The following NEB variants were observed in gnomAD, a reference collection of about 807,000 sequenced individuals.
NEB encodes the protein nebulin.
In NEB, 512 loss-of-function variants were observed where a neutral mutation model predicts 952.2. That is an observed-to-expected ratio of 0.54 (90% CI 0.50 to 0.58). The LOEUF is 0.58. NEB is among the 20% of genes least tolerant of loss of function. NEB has a pLI of 0.00. For synonymous variants in NEB, 2,900 were observed against 3,149.8 expected, an observed-to-expected ratio of 0.92 and a Z score of 2.66; for missense variants, 8,428 against 9,231.1, an observed-to-expected ratio of 0.91 and a Z score of 3.56.
chr2:151,655,421 G>C (rs767679171), intron 50 of NEB, 47 bp from the exon 51 acceptor site: 70 of 1,113,704 alleles, frequency 6.3e-5, no homozygotes, highest in Non-Finnish European at 6.5e-6. Context: ...ACTGGGACAA[G>C]CAGGAAAGAA....
Position 151,654,026 on chromosome 2 carries a change from T to G in NEB, c.6881A>C (p.Gln2294Pro). The G allele has an allele frequency of 6.2e-7, 1 of 1,612,784 alleles. No individual in the cohort carries two copies. Among genetic ancestry groups the G allele is most frequent in the Non-Finnish European group, 8.5e-7 (1 of 1,179,128 alleles). Reference protein sequence around the residue: ...YDLPVDAISVQLAKASRDIAS... With the variant: ...YDLPVDAISVPLAKASRDIAS... Reference sequence around the variant, plus strand: ...AATGTCTCTTGAAGCTTTAGCTAGCTGTACAGAAATTGCATCAACTGGGAG... The same window carrying G: ...AATGTCTCTTGAAGCTTTAGCTAGCGGTACAGAAATTGCATCAACTGGGAG... The change falls in exon 52 of 182, where the codon CAG (glutamine) becomes CCG (proline). Residue 2294 changes from glutamine (Q) to proline (P), a missense_variant. By Grantham distance (76) the Gln-to-Pro change is moderately conservative. Around this residue, in one of 11 missense-constraint regions of NEB, gnomAD observed 2,851 missense variants for 2,791.5 expected, o/e 1.02. Transcript: ENST00000397345.
Position 151,525,896 on chromosome 2 carries a change from T to A in NEB, c.22161+62A>T, listed in dbSNP as rs1033832526. 32 of 1,289,968 alleles carry A rather than the reference T, an allele frequency of 2.5e-5. 1 individual carries two copies. The Admixed American group carries it at 5.4e-4, about 22-fold the overall frequency. 79.9% of individuals were successfully genotyped at this position (1,289,968 alleles called of 1,614,324 possible). A position where few individuals can be genotyped will look rare whatever the true frequency, so the allele number is the denominator to read the frequency against. On this transcript the variant is annotated intron_variant, in intron 150 of 181. Coordinates refer to ENST00000397345, the MANE Select transcript of NEB (RefSeq NM_001164508.2). ...GAAGCAAAAGGCAACTGACATTATT[T>A]CACCAGATTCTACAGTCAAGTGGCA...
intron 10 of NEB, among the ~76,000 whole-genome samples, chr2:151,711,812 A>G (rs1334078888): frequency 6.6e-6 from 1 of 152,182 alleles, no homozygotes; most frequent in Non-Finnish European, 1.5e-5. Context: ...AATAATAGTT[A>G]TTACTATTGT....
Position 151,540,715 on chromosome 2 carries a change from C to G in NEB, c.20769G>C (p.Val6923=), listed in dbSNP as rs938023399. ...ATCTTACCTCACTGACCATGTCCTT[C>G]ACGTCTTTAGCATGCTTCAAGGCTG... is the stretch of plus-strand genomic sequence containing the variant. The part of the protein sequence containing the change: ...QTTALKHAKD[V]KDMVSEKKYK... The change falls in exon 137 of 182, where the codon GTG becomes GTC. Residue 6923 remains valine, a synonymous_variant. Transcript: ENST00000397345. The G allele has an allele frequency of 1.2e-6, 2 of 1,613,652 alleles. No individual in the cohort carries two copies. Among genetic ancestry groups the G allele is most frequent in the Admixed American group, 3.3e-5 (2 of 60,010 alleles).
rs1438185722 is a variant in NEB, at chr2:151,733,180, T to C, written c.-24A>G. The stretch of plus-strand genomic sequence containing the variant: ...ATTTTTCCAGAGTAGTAGTGGCACC[T>C]ACAAACTTTTCATATTCCATACAAA... On this transcript the variant is annotated 5_prime_UTR_variant, in exon 3 of 182. Transcript: ENST00000397345. 2 of 1,596,788 alleles carry C rather than the reference T, an allele frequency of 1.3e-6. No homozygotes were observed. Among genetic ancestry groups the C allele is most frequent in the Non-Finnish European group, 1.7e-6 (2 of 1,171,208 alleles).
At position 151,525,955 on chromosome 2, in the gene NEB, T is replaced by TA; in HGVS notation, c.22161+2dup. On this transcript the variant is annotated splice_region_variant and intron_variant, in intron 150 of 181. Coordinates refer to ENST00000397345, the MANE Select transcript of NEB (RefSeq NM_001164508.2). ...GCCAAGAGACCGGTGGTTGATCACT[T>TA]ACATCACTGACATGCTTGGTCACTT... 6.2e-7 allele frequency: 1 copy of TA among 1,611,746 alleles called. No homozygotes were observed. The highest frequency in any genetic ancestry group is 2.2e-5 in the East Asian group (1 of 44,876).
chr2:151,646,706 A>C (rs926247865), intron 54 of NEB, among the ~76,000 whole-genome samples: 4 of 152,104 alleles, frequency 2.6e-5, no homozygotes, highest in Non-Finnish European at 1.5e-5. Context: ...CTGGAGTGCA[A>C]TGGCGCAATC....
chr2:151,680,869 C>T, intron 29 of NEB, 41 bp from the exon 30 acceptor site: 1 of 1,437,752 alleles, frequency 7.0e-7, no homozygotes, highest in Non-Finnish European at 9.8e-7. Flanking sequence ...TCTTGTTTTC[C>T]ACTGAAGATT....
intron 4 of NEB, among the ~76,000 whole-genome samples, chr2:151,729,404 T>A (rs1407014556): frequency 3.9e-5 from 6 of 152,250 alleles, no homozygotes; most frequent in Admixed American, 6.5e-5. Context: ...CCCTGCCATC[T>A]TGCGTTTTTT....
At chr2:151,705,970 T>G (rs1286911459) in intron 13 of NEB, among the ~76,000 whole-genome samples, 2 of 152,206 alleles carry the variant, frequency 1.3e-5, no homozygotes, top group South Asian at 2.1e-4. Context: ...TTGATCATAG[T>G]GTACACTGTA....
At position 151,672,648 on chromosome 2, in the gene NEB, C is replaced by T. The variant is rs776811136; in HGVS notation, c.4020G>A (p.Lys1340=). ...GGCTTCTGAAACCCACATGCTTTCC[C>T]TTTGACTTCTCATAAGCTTCCTTGT... ...YKYKEAYEKS[K]GKHVGFRSLQ... Residue 1340 remains lysine (K), a synonymous_variant, in exon 37 of 182, where the codon AAG becomes AAA. Coordinates refer to ENST00000397345, the MANE Select transcript of NEB (RefSeq NM_001164508.2). The T allele has an allele frequency of 9.3e-6, 15 of 1,613,654 alleles. No homozygotes were observed. In the Admixed American group the frequency reaches 2.3e-4, roughly 25 times the overall value.
chr2:151,507,661 G>T, intron 162 of NEB: 2 of 236,824 alleles, frequency 8.4e-6, no homozygotes, highest in South Asian at 9.1e-5. Context: ...GTTTCTTTGG[G>T]TAGTCATTTC....
chr2:151,657,644 C>T lies in NEB; in HGVS notation c.6183+339G>A, dbSNP rs570385120. On this transcript the variant is annotated intron_variant, in intron 48 of 181. Coordinates refer to ENST00000397345, the MANE Select transcript of NEB (RefSeq NM_001164508.2). ...AGACATCCTGTTAGAAAATCAGATC[C>T]GAAGAAGCAGGAGGCAAGAACAACA... Among the ~76,000 whole-genome samples, 56 of 152,188 alleles carry T rather than the reference C, an allele frequency of 3.7e-4. No homozygotes were observed. In the South Asian group the frequency reaches 5.2e-3, roughly 14 times the overall value.
chr2:151,496,893 T>C, intron 172 of NEB, 48 bp downstream of exon 172: 1 of 1,474,546 alleles, frequency 6.8e-7, no homozygotes, highest in Non-Finnish European at 9.3e-7. Flanking sequence ...AATCATGAAA[T>C]AGTTTTTAAA....
chr2:151,612,660 G>C (rs1049166898), intron 77 of NEB, among the ~76,000 whole-genome samples: 4 of 152,094 alleles, frequency 2.6e-5, no homozygotes, highest in Non-Finnish European at 5.9e-5. Context: ...GGAAATTACT[G>C]CCTGCCTCCT....
At chr2:151,674,098 T>C (rs2099334509) in intron 36 of NEB, among the ~76,000 whole-genome samples, 1 of 152,212 alleles carries the variant, frequency 6.6e-6, no homozygotes, top group East Asian at 1.9e-4. Context: ...AATCTGTACA[T>C]TTTATATAAC....
chr2:151,640,444 C>T lies in NEB; in HGVS notation c.8596G>A (p.Asp2866Asn). 7 of 1,613,958 alleles carry T rather than the reference C, an allele frequency of 4.3e-6. No homozygotes were observed. In the South Asian group the frequency reaches 5.5e-5, roughly 13 times the overall value. ...KKCQTLVSDV[D>N]YKNYLHQWTC... ...CACTGGTGCAGGTAGTTCTTGTAGT[C>T]CACATCGCTGACTAAGGTCTGGCAC... is the stretch of plus-strand genomic sequence containing the variant. The change falls in exon 61 of 182, where the codon GAC becomes AAC. Residue 2866 changes from aspartate to asparagine, a missense_variant. Transcript: ENST00000397345.
rs1190797981 is a variant in NEB, at chr2:151,581,527, G to A, written c.16240C>T (p.Pro5414Ser). Residue 5414 changes from proline (P) to serine (S), a missense_variant, in exon 103 of 182, where the codon CCC becomes TCC. Transcript: ENST00000397345. ...KANVNVPADT[P>S]LMLQSKINAL... Reference sequence around the variant, plus strand: ...TTGATTTTGGATTGCAGCATCAGGGGAGTGTCAGCTGGCACGTTCACATTA... The same window carrying A: ...TTGATTTTGGATTGCAGCATCAGGGAAGTGTCAGCTGGCACGTTCACATTA... 8 of 1,194,168 alleles carry A rather than the reference G, an allele frequency of 6.7e-6. No homozygotes were observed. The highest frequency in any genetic ancestry group is 9.3e-6 in the Non-Finnish European group (8 of 859,460). The allele number at this position is 1,194,168 out of a possible 1,614,324, so 74.0% of individuals were successfully genotyped here.
chr2:151,554,060 A>T (rs1337177489), intron 125 of NEB, 35 bp from the exon 126 acceptor site: 2 of 1,603,202 alleles, frequency 1.2e-6, no homozygotes, highest in East Asian at 4.5e-5. Context: ...GTTATACAGG[A>T]AATTGTGCCA....
Sources: allele counts gnomAD v4.1 joint callset (sites outside exome capture counted in the v4.1 genomes callset), GRCh38; gene constraint gnomAD v4.1.1; regional missense constraint gnomAD v4.1.1; transcripts MANE v1.5; gene names NCBI Gene and HGNC (gene_info 2026-07-23, HGNC 2026-07-21).